Variants in MYO18B observed in about 807,000 individuals in gnomAD.
The protein encoded by MYO18B is unconventional myosin-XVIIIb.
MYO18B carries 204 observed loss-of-function variants against 273.0 expected under a neutral mutation model. The ratio of observed to expected loss-of-function variants is 0.75; its 90% CI spans 0.67 to 0.84. The LOEUF is 0.84. MYO18B is among the 40% of genes least tolerant of loss of function. MYO18B has a pLI of 0.00. For missense variants in MYO18B, 3,212 were observed against 3,287.6 expected (o/e 0.98, Z 0.56); for synonymous variants, 1,330 against 1,305.7 (o/e 1.02, Z -0.40).
intron 34 of MYO18B, 126 bp downstream of exon 34, chr22:25,921,535 G>C (rs1159187119): frequency 3.4e-6 from 4 of 1,191,456 alleles, no homozygotes; most frequent in Non-Finnish European, 3.5e-6. Context: ...AGATGTGCAG[G>C]GAGATGGGGG....
At chr22:25,755,120 AG>A (rs1431417951) in intron 1 of MYO18B, among the ~76,000 whole-genome samples, 1 of 151,912 alleles carries the variant, frequency 6.6e-6, no homozygotes, top group East Asian at 1.9e-4. Context: ...ACGGGAGGGG[AG>A]GGTGTCTTTC....
At chr22:25,899,876 T>C (rs886836170) in intron 29 of MYO18B, 9 of 152,106 alleles carry the variant, frequency 5.9e-5, no homozygotes, top group African/African-American at 1.9e-4. Flanking sequence ...CTCTGACATA[T>C]ACCCCTGTCT....
Position 25,823,544 on chromosome 22 carries a change from A to G in MYO18B, c.2561A>G (p.Tyr854Cys), listed in dbSNP as rs373683179. The G allele has an allele frequency of 1.9e-6, 3 of 1,613,802 alleles. No homozygotes were observed. The highest frequency in any genetic ancestry group is 2.5e-6 in the Non-Finnish European group (3 of 1,179,874). Residue 854 changes from tyrosine (Y) to cysteine (C), a missense_variant, in exon 13 of 44, where the codon TAC (tyrosine) becomes TGC (cysteine). Transcript: ENST00000335473. The part of the protein sequence containing the change: ...KQFMRFEWAN[Y>C]AAEALGCEYE... The stretch of plus-strand genomic sequence containing the variant: ...TTCATGAGGTTTGAGTGGGCAAACT[A>G]CGCAGCTGAGGCCCTGGGCTGCGAG...
chr22:25,851,385 AC>A (rs1375534814), intron 20 of MYO18B, 84 bp from the exon 21 acceptor site: 3 of 867,860 alleles, frequency 3.5e-6, no homozygotes, highest in Non-Finnish European at 5.7e-6. Flanking sequence ...AGGACCCTGC[AC>A]TCCTGTCTAG....
At chr22:25,796,576 G>A (rs1048048854) in intron 11 of MYO18B, among the ~76,000 whole-genome samples, 37 of 144,762 alleles carry the variant, frequency 2.6e-4, no homozygotes, top group African/African-American at 7.8e-4. Context: ...AGTCTGGGCC[G>A]TAGAGTGAGA....
rs945525320 is a variant in MYO18B, at chr22:25,928,264, C to T, written c.5517+6855C>T. ...TGAGCAGAGGAAGGTGTGGCCAGAA[C>T]GGCTTGTAAAAATTGGCAGGATTCC... is the stretch of plus-strand genomic sequence containing the variant. On this transcript the variant is annotated intron_variant, in intron 34 of 43. Coordinates refer to ENST00000335473, the MANE Select transcript of MYO18B (RefSeq NM_032608.7). Among the ~76,000 whole-genome samples, 13 of 152,022 alleles carry T rather than the reference C, an allele frequency of 8.6e-5. No homozygotes were observed. The South Asian group carries it at 2.1e-3, about 24-fold the overall frequency.
rs74651537 is a variant in MYO18B, at chr22:25,846,522, G to A, written c.3552+239G>A. Among the ~76,000 whole-genome samples, 4,476 of 152,298 alleles carry A rather than the reference G, an allele frequency of 0.029. 93 individuals carry two copies. Among genetic ancestry groups the A allele is most frequent in the Non-Finnish European group, 0.044 (2,961 of 68,024 alleles). ...CTGAGGCCTAAGCCTGTGCTGCTTGGTGTTGAGTTGAGAGGCCTGGGGGAG... is the reference window on the plus strand; with the variant it reads ...CTGAGGCCTAAGCCTGTGCTGCTTGATGTTGAGTTGAGAGGCCTGGGGGAG... On this transcript the variant is annotated intron_variant, in intron 19 of 43. Coordinates refer to ENST00000335473, the MANE Select transcript of MYO18B (RefSeq NM_032608.7).
intron 39 of MYO18B, among the ~76,000 whole-genome samples, chr22:25,963,160 CCT>C (rs35189393): frequency 2.0e-4 from 27 of 132,850 alleles, no homozygotes; most frequent in East Asian, 4.4e-4. Flanking sequence ...TCCTCTTTCT[CCT>C]CTCTCTCTCT....
At chr22:25,838,917 C>T (rs1286754964) in intron 17 of MYO18B, among the ~76,000 whole-genome samples, 1 of 151,118 alleles carries the variant, frequency 6.6e-6, no homozygotes, top group South Asian at 2.1e-4. Context: ...ATGTGTATAT[C>T]TGTGTGTGCC....
chr22:25,964,115 A>G (rs1019262713), intron 39 of MYO18B: 4 of 152,222 alleles, frequency 2.6e-5, no homozygotes, highest in African/African-American at 9.7e-5. Flanking sequence ...GTCCTCCTCT[A>G]TCAGAGACAG....
At chr22:25,903,518 C>A in intron 30 of MYO18B, 113 bp from the exon 31 acceptor site, 1 of 1,077,802 alleles carries the variant, frequency 9.3e-7, no homozygotes, top group Non-Finnish European at 1.3e-6. Flanking sequence ...AAATGGCAGG[C>A]ATTGGAAAGT....
chr22:25,967,329 G>T (rs940940307), intron 39 of MYO18B, among the ~76,000 whole-genome samples: 1 of 152,166 alleles, frequency 6.6e-6, no homozygotes, highest in South Asian at 2.1e-4. Flanking sequence ...TGCCAGGGAG[G>T]CTTAGGAAGG....
chr22:25,884,445 T>C (rs184205377), intron 25 of MYO18B, among the ~76,000 whole-genome samples: 6 of 152,292 alleles, frequency 3.9e-5, no homozygotes, highest in Admixed American at 3.3e-4. Flanking sequence ...TGTCTTAGGC[T>C]ATTAGGATCT....
At position 25,826,447 on chromosome 22, in the gene MYO18B, G is replaced by A; in HGVS notation, c.2734G>A (p.Ala912Thr). Reference sequence around the variant, plus strand: ...AGGAGTGGACTGTGTGGAGGGGATGGCCTCGGGCCTGTACCAGGAACTCTT... The same window carrying A: ...AGGAGTGGACTGTGTGGAGGGGATGACCTCGGGCCTGTACCAGGAACTCTT... ...MTGVDCVEGM[A>T]SGLYQELFAA... The change falls in exon 14 of 44, where the codon GCC (alanine) becomes ACC (threonine). Residue 912 changes from alanine (A) to threonine (T), a missense_variant. By Grantham distance (58) the Ala-to-Thr change is moderately conservative. Coordinates refer to ENST00000335473, the MANE Select transcript of MYO18B (RefSeq NM_032608.7). The A allele has an allele frequency of 6.2e-7, 1 of 1,613,818 alleles. No homozygotes were observed.
chr22:26,036,618 T>A, the MYO18B span, among the ~76,000 whole-genome samples: 1 of 152,302 alleles, frequency 6.6e-6, no homozygotes, highest in East Asian at 1.9e-4. Flanking sequence ...TTAATCCTCT[T>A]TCCATCTCCC....
At chr22:25,972,694 G>A (rs2093048407) in intron 39 of MYO18B, among the ~76,000 whole-genome samples, 1 of 152,136 alleles carries the variant, frequency 6.6e-6, no homozygotes, top group Non-Finnish European at 1.5e-5. Flanking sequence ...GGTGGCTCAC[G>A]CCTGTAATCC....
chr22:25,773,118 C>CT (rs1454283773), intron 7 of MYO18B, among the ~76,000 whole-genome samples: 2 of 152,126 alleles, frequency 1.3e-5, no homozygotes, highest in African/African-American at 2.4e-5. Context: ...AAGGAAATCT[C>CT]TAAGCGCCAC....
At chr22:25,920,642 C>T (rs1189018510) in intron 33 of MYO18B, among the ~76,000 whole-genome samples, 2 of 152,216 alleles carry the variant, frequency 1.3e-5, no homozygotes, top group Non-Finnish European at 2.9e-5. Flanking sequence ...GACCAAAGGA[C>T]AGAAAGGATT....
Position 25,972,570 on chromosome 22 carries a change from C to T in MYO18B, c.6156+17206C>T, listed in dbSNP as rs1253735714. On this transcript the variant is annotated intron_variant, in intron 39 of 43. Coordinates refer to ENST00000335473, the MANE Select transcript of MYO18B (RefSeq NM_032608.7). ...GGCTTTTTAACAAGGTCCCAGGTGACTCCTAGGCACAGCAGCATGGCAGGA... is the reference window on the plus strand; with the variant it reads ...GGCTTTTTAACAAGGTCCCAGGTGATTCCTAGGCACAGCAGCATGGCAGGA... Among the ~76,000 whole-genome samples, 4 of 152,174 alleles carry T rather than the reference C, an allele frequency of 2.6e-5. No individual in the cohort carries two copies. In the South Asian group the frequency reaches 8.3e-4, roughly 32 times the overall value.
Sources: gnomAD v4.1 joint callset for allele counts (sites outside exome capture counted in the v4.1 genomes callset) on GRCh38, gnomAD v4.1.1 for gene constraint, MANE v1.5 for transcripts, NCBI Gene and HGNC (gene_info 2026-07-23, HGNC 2026-07-21) for gene names.